The following MYEF2 variants were observed in gnomAD, a reference collection of about 807,000 sequenced individuals.
MYEF2 encodes myelin expression factor 2.
In MYEF2, 37 loss-of-function variants were observed where a neutral mutation model predicts 75.2. The observed-to-expected ratio is 0.49, with a 90% CI of 0.38 to 0.65. The LOEUF is 0.65. MYEF2 is among the 30% of genes least tolerant of loss of function. The pLI is 0.00. For synonymous variants in MYEF2, 195 were observed against 241.6 expected, an observed-to-expected ratio of 0.81 and a Z score of 1.79; for missense variants, 634 against 771.4, an observed-to-expected ratio of 0.82 and a Z score of 2.11.
In MYEF2 at chr15:48,136,461, TA is replaced by T. The variant is rs56091519; in HGVS notation, c.*6446del. The T allele has an allele frequency of 0.049, 14,908 of 304,576 alleles. 4 individuals are homozygous for T. Among genetic ancestry groups the T allele is most frequent in the Middle Eastern group, 0.071 (74 of 1,046 alleles). 18.9% of individuals were successfully genotyped at this position (304,576 alleles called of 1,614,324 possible). The stretch of plus-strand genomic sequence containing the variant: ...AAAACGAGTTTGTTGATCTTGTTTT[TA>T]AAAAAAAAAAAACAACACAGAAGTG... On this transcript the variant is annotated 3_prime_UTR_variant, in exon 17 of 17. Transcript: ENST00000324324.
chr15:48,153,677 A>T, intron 10 of MYEF2, 115 bp downstream of exon 10: 1 of 788,722 alleles, frequency 1.3e-6, no homozygotes, highest in Admixed American at 2.5e-5. Context: ...TGACACCGTA[A>T]ATATCTAACT....
chr15:48,165,098 C>A (rs767710355), intron 5 of MYEF2, among the ~76,000 whole-genome samples: 2 of 152,200 alleles, frequency 1.3e-5, no homozygotes, highest in South Asian at 4.2e-4. Flanking sequence ...GGAATCAAAT[C>A]ATTAGTATAC....
rs2038854960 is a variant in MYEF2, at chr15:48,134,770, A to T, written c.*8138T>A. ...TTTTACATTTTTTTCTCTAAGCAAT[A>T]TGCAAAAGATAACAATATTTAACTA... On this transcript the variant is annotated 3_prime_UTR_variant, in exon 17 of 17. Transcript: ENST00000324324. 1 of 882,710 alleles carries T rather than the reference A, an allele frequency of 1.1e-6. No homozygotes were observed. The allele number at this position is 882,710 out of a possible 1,614,324, so 54.7% of individuals were successfully genotyped here.
intron 14 of MYEF2, 30 bp downstream of exon 14, chr15:48,151,070 T>C (rs2140839528): frequency 6.6e-7 from 1 of 1,506,638 alleles, no homozygotes; most frequent in Admixed American, 1.8e-5. Flanking sequence ...CAAATATTAC[T>C]GAATAAATTC....
At position 48,158,885 on chromosome 15, in the gene MYEF2, A is replaced by G; in HGVS notation, c.755T>C (p.Val252Ala). Reference protein sequence around the residue: ...FKVGWKKLKEVFSIAGTVKRA... With the variant: ...FKVGWKKLKEAFSIAGTVKRA... ...CTTCACAGTTCCAGCTATGCTGAAC[A>G]CTTCCTTTAGCTTCTTCCAACCAAC... Residue 252 changes from valine to alanine, a missense_variant, in exon 7 of 17, where the codon GTG becomes GCG. Coordinates refer to ENST00000324324, the MANE Select transcript of MYEF2 (RefSeq NM_016132.5). 1.2e-6 allele frequency: 2 copies of G among 1,613,632 alleles called. No homozygotes were observed. Among genetic ancestry groups the G allele is most frequent in the Non-Finnish European group, 1.7e-6 (2 of 1,179,726 alleles).
At chr15:48,156,037 C>T (rs1189022844) in intron 9 of MYEF2, among the ~76,000 whole-genome samples, 1 of 152,072 alleles carries the variant, frequency 6.6e-6, no homozygotes. Flanking sequence ...CTGGGCCTCC[C>T]AAAGTGCTGG....
chr15:48,161,017 G>A (rs1443886287), intron 5 of MYEF2, among the ~76,000 whole-genome samples: 1 of 152,026 alleles, frequency 6.6e-6, no homozygotes, highest in African/African-American at 2.4e-5. Context: ...TAACTCAGAA[G>A]AGAAGATATT....
At chr15:48,164,412 G>A (rs2040061549) in intron 5 of MYEF2, among the ~76,000 whole-genome samples, 2 of 152,152 alleles carry the variant, frequency 1.3e-5, no homozygotes, top group South Asian at 4.1e-4. Context: ...CTTCTTGTAT[G>A]AGCAAAGAAA....
chr15:48,162,672 C>T (rs1004777841), intron 5 of MYEF2: 3 of 152,190 alleles, frequency 2.0e-5, no homozygotes, highest in African/African-American at 7.2e-5. Context: ...CCAACATGTG[C>T]TCACTTTGTG....
chr15:48,147,520 C>T (rs140449902), intron 16 of MYEF2, among the ~76,000 whole-genome samples: 9 of 151,732 alleles, frequency 5.9e-5, no homozygotes, highest in Admixed American at 5.3e-4. Context: ...TCACTAAGAC[C>T]CTATATACAT....
chr15:48,175,240 T>G (rs569983098), intron 1 of MYEF2, among the ~76,000 whole-genome samples: 1 of 152,192 alleles, frequency 6.6e-6, no homozygotes, highest in South Asian at 2.1e-4. Context: ...CTACATGATC[T>G]CACTTACACA....
chr15:48,136,605 A>G lies in MYEF2; in HGVS notation c.*6303T>C. ...GGCTACTTTTGTTAGAAAATCATTC[A>G]ATAGATACTGCCCAAAAGCTATCAA... is the stretch of plus-strand genomic sequence containing the variant. On this transcript the variant is annotated 3_prime_UTR_variant, in exon 17 of 17. Coordinates refer to ENST00000324324, the MANE Select transcript of MYEF2 (RefSeq NM_016132.5). The G allele has an allele frequency of 2.3e-6, 3 of 1,320,778 alleles. No individual in the cohort carries two copies. The highest frequency in any genetic ancestry group is 3.1e-6 in the Non-Finnish European group (3 of 962,152). 81.8% of individuals were successfully genotyped at this position (1,320,778 alleles called of 1,614,324 possible). A position where few individuals can be genotyped will look rare whatever the true frequency, so the allele number is the denominator to read the frequency against.
chr15:48,142,162 A>G lies in MYEF2; in HGVS notation c.*746T>C, dbSNP rs1199581425. The stretch of plus-strand genomic sequence containing the variant: ...CTGCAGAAGTAAACAGCAGAGGACT[A>G]ACTTACATAACCATCTCTCTCAACA... On this transcript the variant is annotated 3_prime_UTR_variant, in exon 17 of 17. Coordinates refer to ENST00000324324, the MANE Select transcript of MYEF2 (RefSeq NM_016132.5). 4 of 1,613,780 alleles carry G rather than the reference A, an allele frequency of 2.5e-6. No individual in the cohort carries two copies. Among genetic ancestry groups the G allele is most frequent in the Non-Finnish European group, 2.5e-6 (3 of 1,179,910 alleles).
intron 9 of MYEF2, chr15:48,157,644 A>G: frequency 1.7e-6 from 1 of 586,400 alleles, no homozygotes; most frequent in Non-Finnish European, 2.2e-6. Flanking sequence ...CTATGTAAAA[A>G]ATATACATAG....
chr15:48,172,339 G>A (rs1263295506), intron 1 of MYEF2, among the ~76,000 whole-genome samples: 2 of 150,770 alleles, frequency 1.3e-5, no homozygotes, highest in Non-Finnish European at 2.9e-5. Flanking sequence ...GGCAGAGGTT[G>A]CAGTGAGCCA....
intron 2 of MYEF2, 117 bp from the exon 3 acceptor site, chr15:48,167,518 A>G (rs764590675): frequency 6.2e-5 from 53 of 849,410 alleles, no homozygotes; most frequent in Non-Finnish European, 9.4e-5. Context: ...TTCACCAACA[A>G]TCAAAACCAG....
intron 1 of MYEF2, among the ~76,000 whole-genome samples, chr15:48,174,187 A>G (rs774871331): frequency 2.6e-5 from 4 of 152,124 alleles, no homozygotes; most frequent in Admixed American, 6.5e-5. Flanking sequence ...CACATCCCCA[A>G]TATATGGTAA....
At chr15:48,174,150 C>A (rs2040433159) in intron 1 of MYEF2, among the ~76,000 whole-genome samples, 1 of 151,980 alleles carries the variant, frequency 6.6e-6, no homozygotes, top group African/African-American at 2.4e-5. Context: ...ACACACAGAC[C>A]AATGGAGCAT....
intron 9 of MYEF2, among the ~76,000 whole-genome samples, chr15:48,154,491 GA>G (rs1406194494): frequency 2.0e-5 from 3 of 152,026 alleles, no homozygotes; most frequent in Non-Finnish European, 4.4e-5. Flanking sequence ...CTGATTTTAA[GA>G]CTTTGGTCTT....
Sources: gnomAD v4.1 joint callset for allele counts (sites outside exome capture counted in the v4.1 genomes callset) on GRCh38, gnomAD v4.1.1 for gene constraint, MANE v1.5 for transcripts, NCBI Gene and HGNC (gene_info 2026-07-23, HGNC 2026-07-21) for gene names.